The following MYLK3 variants were observed in gnomAD, a reference collection of about 807,000 sequenced individuals.
MYLK3 encodes the protein myosin light chain kinase 3.
A neutral mutation model predicts 76.3 loss-of-function variants in MYLK3; 55 were observed. The observed-to-expected ratio is 0.72, with a 90% CI of 0.58 to 0.90. The LOEUF is 0.90. MYLK3 is among the 40% of genes least tolerant of loss of function. The pLI is 0.00. For missense variants in MYLK3, 973 were observed against 1,053.6 expected (o/e 0.92, Z 1.06); for synonymous variants, 416 against 425.4 (o/e 0.98, Z 0.27).
At chr16:46,737,425 G>C (rs1007593674) in intron 3 of MYLK3, among the ~76,000 whole-genome samples, 4 of 152,154 alleles carry the variant, frequency 2.6e-5, no homozygotes, top group Non-Finnish European at 4.4e-5. Flanking sequence ...GACCACCTGG[G>C]AAGCATGTAA....
At chr16:46,707,858 C>T in intron 12 of MYLK3, 95 bp from the exon 13 acceptor site, 1 of 811,960 alleles carries the variant, frequency 1.2e-6, no homozygotes, top group Non-Finnish European at 2.0e-6. Context: ...GTGAGTCCAG[C>T]CACTGGGGTT....
At chr16:46,730,782 C>G (rs1966851131) in intron 4 of MYLK3, 84 bp from the exon 5 acceptor site, 2 of 1,205,266 alleles carry the variant, frequency 1.7e-6, no homozygotes, top group African/African-American at 3.0e-5. Context: ...CACTTAGCTT[C>G]TCTTGGTCCA....
At chr16:46,749,341 C>T (rs187853184), upstream of MYLK3, among the ~76,000 whole-genome samples, 56 of 152,376 alleles carry the variant, frequency 3.7e-4, no homozygotes, top group East Asian at 5.0e-3. Flanking sequence ...GGCAGGCACA[C>T]GGCCTCCTGA....
Position 46,748,125 on chromosome 16 carries a change from T to C in MYLK3, c.69A>G (p.Thr23=), listed in dbSNP as rs762684538. ...GLPGLGKTCL[T]TMDTKLNMLN... Reference sequence around the variant, plus strand: ...GCATGTTCAGCTTTGTGTCCATGGTTGTTAAGCAGGTCTTGCCCAACCCTG... The same window carrying C: ...GCATGTTCAGCTTTGTGTCCATGGTCGTTAAGCAGGTCTTGCCCAACCCTG... Residue 23 remains threonine, a synonymous_variant, in exon 1 of 13, where the codon ACA becomes ACG. Coordinates refer to ENST00000394809, the MANE Select transcript of MYLK3 (RefSeq NM_182493.3). The surrounding 1 kb of genome is among the most constrained non-coding windows in gnomAD (Gnocchi z 4.3). 1 of 1,614,234 alleles carries C rather than the reference T, an allele frequency of 6.2e-7. No individual in the cohort carries two copies. Among genetic ancestry groups the C allele is most frequent in the Non-Finnish European group, 8.5e-7 (1 of 1,180,016 alleles).
At chr16:46,707,953 A>ATGAATATGGG (rs1317550987) in intron 12 of MYLK3, among the ~76,000 whole-genome samples, 190 bp from the exon 13 acceptor site, 2,111 of 152,274 alleles carry the variant, frequency 0.014, 51 homozygotes, top group African/African-American at 0.048. Context: ...TGTTGGGAGT[A>ATGAATATGGG]AATATGAAGT....
At chr16:46,713,926 T>C (rs749898759) in intron 9 of MYLK3, among the ~76,000 whole-genome samples, 4 of 152,258 alleles carry the variant, frequency 2.6e-5, no homozygotes, top group Non-Finnish European at 5.9e-5. Flanking sequence ...CTTTTGAAGC[T>C]GAACAGTATT....
chr16:46,760,862 G>A (rs978354260), intron 1 of MYLK3, among the ~76,000 whole-genome samples: 2 of 152,206 alleles, frequency 1.3e-5, no homozygotes, highest in Non-Finnish European at 2.9e-5. Flanking sequence ...GGTCTGGGGA[G>A]GGACAGACCC....
intron 2 of MYLK3, among the ~76,000 whole-genome samples, chr16:46,738,909 C>T (rs902738485): frequency 6.6e-6 from 1 of 152,124 alleles, no homozygotes; most frequent in African/African-American, 2.4e-5. Flanking sequence ...GGCGTGATCT[C>T]GGCTCACTGC....
chr16:46,711,989 ATTTTT>A (rs35047277), intron 10 of MYLK3, among the ~76,000 whole-genome samples: 2 of 116,368 alleles, frequency 1.7e-5, no homozygotes, highest in African/African-American at 3.2e-5. Context: ...TCAAGCCATA[ATTTTT>A]TTTTTTTTTT....
chr16:46,715,991 G>A (rs1966733798), intron 9 of MYLK3, among the ~76,000 whole-genome samples: 1 of 152,180 alleles, frequency 6.6e-6, no homozygotes, highest in Non-Finnish European at 1.5e-5. Context: ...AAATAAAACT[G>A]CTGAATGACC....
Position 46,739,938 on chromosome 16 carries a change from A to G in MYLK3, c.568+119T>C, listed in dbSNP as rs1449190473. ...TATGACAAAAAACCCTGCAAAAACA[A>G]GAAAAAAAGAAGCTTTGACAGTTGC... On this transcript the variant is annotated intron_variant, in intron 2 of 12. Coordinates refer to ENST00000394809, the MANE Select transcript of MYLK3 (RefSeq NM_182493.3). 5.5e-6 allele frequency: 4 copies of G among 722,082 alleles called. No individual in the cohort carries two copies. The East Asian group carries it at 7.6e-5, about 14-fold the overall frequency. 44.7% of individuals were successfully genotyped at this position (722,082 alleles called of 1,614,324 possible).
At chr16:46,719,731 C>T (rs1966780733) in intron 9 of MYLK3, among the ~76,000 whole-genome samples, 1 of 152,188 alleles carries the variant, frequency 6.6e-6, no homozygotes, top group South Asian at 2.1e-4. Flanking sequence ...ACCACCCCTG[C>T]CCTCCAGGAA....
chr16:46,752,718 C>T (rs1251006028), upstream of MYLK3, among the ~76,000 whole-genome samples: 1 of 151,860 alleles, frequency 6.6e-6, no homozygotes, highest in Non-Finnish European at 1.5e-5. Flanking sequence ...TACAAAAGAA[C>T]ATATATGTAT....
At chr16:46,740,708 T>C (rs1183539516) in intron 1 of MYLK3, among the ~76,000 whole-genome samples, 1 of 151,618 alleles carries the variant, frequency 6.6e-6, no homozygotes, top group Non-Finnish European at 1.5e-5. Context: ...TGGGCCAACA[T>C]GCCCGGCTAA....
chr16:46,738,112 T>G lies in MYLK3; in HGVS notation c.600A>C (p.Thr200=). 41 of 1,571,578 alleles carry G rather than the reference T, an allele frequency of 2.6e-5. No homozygotes were observed. The highest frequency in any genetic ancestry group is 3.5e-5 in the Non-Finnish European group (41 of 1,158,810). ...CTCTGATGGGGGGCAGCCTCTCCGCTGTCCCCTCCAGCACGTCCGCCTTCT... is the reference window on the plus strand; with the variant it reads ...CTCTGATGGGGGGCAGCCTCTCCGCGGTCCCCTCCAGCACGTCCGCCTTCT... ...ESQKADVLEG[T]AERLPPIRAS... is the part of the protein sequence containing the mutation. Residue 200 remains threonine (T), a synonymous_variant, in exon 3 of 13, where the codon ACA becomes ACC. Transcript: ENST00000394809.
At chr16:46,742,584 A>G (rs985155620) in intron 1 of MYLK3, among the ~76,000 whole-genome samples, 2 of 152,072 alleles carry the variant, frequency 1.3e-5, no homozygotes, top group Non-Finnish European at 1.5e-5. Flanking sequence ...AGCTGTCCCA[A>G]ATGTCTCCCC....
Position 46,732,492 on chromosome 16 carries a change from G to C in MYLK3, c.1178C>G (p.Thr393Ser). ...GGAGAGCTCTCTGGCTCCTTCAGGG[G>C]TCTGTTCTCCGGGCTCAGTCCCAGG... ...QAPGTEPGEQ[T>S]PEGARELSPL... Residue 393 changes from threonine to serine, a missense_variant, in exon 4 of 13, where the codon ACC becomes AGC. Thr to Ser is a moderately conservative substitution (Grantham distance 58). Around this residue, in one of 2 missense-constraint regions of MYLK3, gnomAD observed 641 missense variants for 637.0 expected, o/e 1.01. Coordinates refer to ENST00000394809, the MANE Select transcript of MYLK3 (RefSeq NM_182493.3). 1 of 1,608,530 alleles carries C rather than the reference G, an allele frequency of 6.2e-7. No individual in the cohort carries two copies.
intron 9 of MYLK3, 57 bp downstream of exon 9, chr16:46,721,066 A>G: frequency 6.8e-7 from 1 of 1,470,836 alleles, no homozygotes; most frequent in East Asian, 2.3e-5. Flanking sequence ...CCATGCCCAG[A>G]GAGCCACAAA....
At chr16:46,748,352 G>T (rs1040633540), upstream of MYLK3, 14 of 1,323,106 alleles carry the variant, frequency 1.1e-5, no homozygotes, top group Non-Finnish European at 1.4e-5. This position sits in a 1 kb window ranked among gnomAD's most constrained non-coding sequence, Gnocchi z 4.3. Flanking sequence ...TGTGAGGAGC[G>T]CAGAGGCCCA....
Sources: allele counts gnomAD v4.1 joint callset (sites outside exome capture counted in the v4.1 genomes callset), GRCh38; gene constraint gnomAD v4.1.1; regional missense constraint gnomAD v4.1.1; non-coding constraint Gnocchi (gnomAD v3.1); transcripts MANE v1.5; gene names NCBI Gene and HGNC (gene_info 2026-07-23, HGNC 2026-07-21).